Variants in FAHD1 observed in about 807,000 individuals in gnomAD.
The protein encoded by FAHD1 is FAH domain containing oxaloacetate decarboxylase 1, also known as oxaloacetate tautomerase FAHD1, mitochondrial.
A neutral mutation model predicts 12.7 loss-of-function variants in FAHD1; 14 were observed. The observed-to-expected ratio is 1.10, with a 90% CI of 0.73 to 1.72. FAHD1 has a LOEUF of 1.72. Ranked by LOEUF, FAHD1 falls within the 40% of genes most tolerant of loss-of-function variation. The pLI, the probability that FAHD1 is intolerant of heterozygous loss-of-function variation, is 0.00. For missense variants in FAHD1, 351 were observed against 298.9 expected, an observed-to-expected ratio of 1.17 and a Z score of -1.29; for synonymous variants, 153 against 124.9, an observed-to-expected ratio of 1.22 and a Z score of -1.50.
intron 1 of FAHD1, chr16:1,834,350 CTG>C: frequency 6.2e-7 from 1 of 1,605,892 alleles, no homozygotes; most frequent in Non-Finnish European, 8.5e-7. Flanking sequence ...ACTCCTTGCT[CTG>C]TGTGATAGAA....
chr16:1,836,324 G>C (rs948057786), intron 1 of FAHD1, among the ~76,000 whole-genome samples: 1 of 152,204 alleles, frequency 6.6e-6, no homozygotes, highest in Non-Finnish European at 1.5e-5. Flanking sequence ...CTCTGGGAAA[G>C]TGCAGTATCC....
At chr16:1,835,663 G>A (rs1296630723) in intron 1 of FAHD1, among the ~76,000 whole-genome samples, 5 of 152,064 alleles carry the variant, frequency 3.3e-5, no homozygotes, top group African/African-American at 7.2e-5. Flanking sequence ...CCCATTGCAC[G>A]GACTGAGCTG....
chr16:1,828,367 G>T, exon 1 of FAHD1: 1 of 1,002,146 alleles, frequency 1.0e-6, no homozygotes, highest in Non-Finnish European at 1.2e-6. Flanking sequence ...AAGAAAACGT[G>T]AAGTAGAACG....
chr16:1,839,240 C>CT (rs1324656425), intron 2 of FAHD1: 1 of 1,552,742 alleles, frequency 6.4e-7, no homozygotes, highest in Non-Finnish European at 8.7e-7. Flanking sequence ...ACATTTCTTC[C>CT]TTTTTGCTAT....
chr16:1,830,245 A>T (rs538807905), downstream of FAHD1, among the ~76,000 whole-genome samples: 3 of 152,382 alleles, frequency 2.0e-5, no homozygotes, highest in East Asian at 5.8e-4. Flanking sequence ...TTTCTGCAGT[A>T]CAACTTTCAT....
chr16:1,837,619 C>A (rs371218638), intron 1 of FAHD1: 46 of 474,038 alleles, frequency 9.7e-5, no homozygotes, highest in East Asian at 7.5e-4. Flanking sequence ...TATGAAAAAA[C>A]CCCTGGCTAT....
Position 1,838,160 on chromosome 16 carries a change from TTGTTTTA to T in FAHD1, c.*8+40_*8+46del, listed in dbSNP as rs1227129690. 9.8e-6 allele frequency: 5 copies of T among 508,916 alleles called. 1 individual carries two copies. Among genetic ancestry groups the T allele is most frequent in the South Asian group, 7.2e-5 (2 of 27,810 alleles). 31.5% of individuals were successfully genotyped at this position (508,916 alleles called of 1,614,324 possible). A position where few individuals can be genotyped will look rare whatever the true frequency, so the allele number is the denominator to read the frequency against. On this transcript the variant is annotated intron_variant, in intron 2 of 2. Coordinates refer to the FAHD1 transcript ENST00000382666. ...GTATGCACTACTCTTCTCTGGCTAATTGTTTTATGTTTTATGTTTTGTAGAGACAGGG... is the reference window on the plus strand; with the variant it reads ...GTATGCACTACTCTTCTCTGGCTAATTGTTTTATGTTTTGTAGAGACAGGG...
chr16:1,833,959 G>C, intron 1 of FAHD1: 1 of 227,886 alleles, frequency 4.4e-6, no homozygotes, highest in Non-Finnish European at 8.5e-6. Context: ...CAACTACATG[G>C]AAAAGAAAAT....
chr16:1,828,978 T>G (rs1430344044), downstream of FAHD1: 2 of 947,462 alleles, frequency 2.1e-6, no homozygotes, highest in East Asian at 1.2e-4. Flanking sequence ...CTTGTGGGGC[T>G]TCAGACCTTA....
At chr16:1,834,398 G>A (rs1898683906) in intron 1 of FAHD1, 4 of 1,230,064 alleles carry the variant, frequency 3.3e-6, no homozygotes, top group Admixed American at 1.9e-5. Flanking sequence ...GAGACAAAAG[G>A]TTAATTTTTA....
At chr16:1,831,653 C>T (rs1315229782), downstream of FAHD1, among the ~76,000 whole-genome samples, 6 of 152,138 alleles carry the variant, frequency 3.9e-5, no homozygotes, top group Admixed American at 2.6e-4. Context: ...CAGCAAGGGT[C>T]CCCCAACCTC....
downstream of FAHD1, among the ~76,000 whole-genome samples, chr16:1,831,568 C>T (rs1435880742): frequency 6.6e-6 from 1 of 152,144 alleles, no homozygotes; most frequent in Non-Finnish European, 1.5e-5. Context: ...GTGGAGCATC[C>T]CCGACAGATT....
At chr16:1,832,338 T>A (rs1898637364), downstream of FAHD1, among the ~76,000 whole-genome samples, 1 of 150,666 alleles carries the variant, frequency 6.6e-6, no homozygotes, top group East Asian at 2.0e-4. Context: ...ACCCGGCTAA[T>A]TTTTTTGTAT....
downstream of FAHD1, among the ~76,000 whole-genome samples, chr16:1,831,936 C>A (rs372610549): frequency 1.1e-4 from 16 of 152,244 alleles, no homozygotes; most frequent in South Asian, 8.3e-4. Context: ...AAACTGTCTT[C>A]CACCAAACCA....
intron 1 of FAHD1, among the ~76,000 whole-genome samples, chr16:1,834,567 T>C (rs989486935): frequency 6.6e-6 from 1 of 152,242 alleles, no homozygotes; most frequent in African/African-American, 2.4e-5. Context: ...GCCCAGCTTC[T>C]GACTGATTTT....
chr16:1,837,993 C>A, intron 1 of FAHD1: 1 of 1,443,672 alleles, frequency 6.9e-7, no homozygotes, highest in South Asian at 1.5e-5. Flanking sequence ...AATTACAGCT[C>A]AATCGTTTGT....
chr16:1,832,034 G>T (rs1898628670), downstream of FAHD1, among the ~76,000 whole-genome samples: 1 of 152,076 alleles, frequency 6.6e-6, no homozygotes, highest in African/African-American at 2.4e-5. Flanking sequence ...TGAAATCAAT[G>T]AAATGGTTTG....
exon 3 of FAHD1, chr16:1,839,621 T>C: frequency 1.9e-6 from 1 of 539,066 alleles, no homozygotes; most frequent in Non-Finnish European, 3.2e-6. Context: ...TACGCAGCCA[T>C]TCTCAGGAGT....
downstream of FAHD1, among the ~76,000 whole-genome samples, chr16:1,833,452 T>C (rs72762866): frequency 0.18 from 26,930 of 151,736 alleles, 2,539 homozygotes; most frequent in South Asian, 0.27. Context: ...CCCACGACTT[T>C]GGCTATTCCC....
Sources: allele counts gnomAD v4.1 joint callset (sites outside exome capture counted in the v4.1 genomes callset), GRCh38; gene constraint gnomAD v4.1.1; transcripts MANE v1.5; gene names NCBI Gene and HGNC (gene_info 2026-07-23, HGNC 2026-07-21).